The following SLC30A8 variants were observed in gnomAD, a reference collection of about 807,000 sequenced individuals.
The protein encoded by SLC30A8 is solute carrier family 30 member 8.
In SLC30A8, 27 loss-of-function variants were observed where a neutral mutation model predicts 36.9. The ratio of observed to expected loss-of-function variants is 0.73; its 90% CI spans 0.54 to 1.01. The LOEUF (loss-of-function observed/expected upper bound fraction) is 1.01. Among genes scored for constraint, SLC30A8 ranks in the 50% least tolerant of loss-of-function variants. The pLI, the probability that SLC30A8 is intolerant of heterozygous loss-of-function variation, is 0.00. For missense variants in SLC30A8, 439 were observed against 452.0 expected (o/e 0.97, Z 0.26); for synonymous variants, 164 against 172.4 (o/e 0.95, Z 0.38).
At chr8:117,163,906 A>G (rs1192343847) in intron 6 of SLC30A8, 1 of 163,766 alleles carries the variant, frequency 6.1e-6, no homozygotes. Context: ...TCAGAGTAGA[A>G]TAAAACAAGG....
chr8:116,994,374 T>G (rs1357107198), intron 1 of SLC30A8, among the ~76,000 whole-genome samples: 3 of 152,116 alleles, frequency 2.0e-5, no homozygotes, highest in Non-Finnish European at 4.4e-5. Flanking sequence ...GTATCATTAC[T>G]CATGATAGGA....
chr8:117,060,218 A>C (rs944475634), intron 2 of SLC30A8, among the ~76,000 whole-genome samples: 2 of 152,254 alleles, frequency 1.3e-5, no homozygotes, highest in Admixed American at 6.5e-5. Flanking sequence ...TAGTGGTAGA[A>C]TATGGAAGAG....
intron 6 of SLC30A8, among the ~76,000 whole-genome samples, chr8:117,167,547 T>A (rs1378492632): frequency 1.3e-5 from 2 of 151,538 alleles, no homozygotes; most frequent in Non-Finnish European, 2.9e-5. Context: ...TACCTTTTTT[T>A]ATAAAAATGG....
At chr8:116,995,762 C>G (rs904427729) in intron 1 of SLC30A8, among the ~76,000 whole-genome samples, 1 of 152,020 alleles carries the variant, frequency 6.6e-6, no homozygotes, top group Non-Finnish European at 1.5e-5. Context: ...CTGGTGGGAG[C>G]AGGGGAAAAG....
chr8:116,973,854 G>T (rs556439772), intron 1 of SLC30A8, among the ~76,000 whole-genome samples: 1 of 152,100 alleles, frequency 6.6e-6, no homozygotes, highest in African/African-American at 2.4e-5. Flanking sequence ...TAGACCAATG[G>T]AACAGAAAAG....
intron 3 of SLC30A8, among the ~76,000 whole-genome samples, chr8:117,154,557 A>G (rs997714129): frequency 6.6e-6 from 1 of 152,244 alleles, no homozygotes; most frequent in Non-Finnish European, 1.5e-5. Flanking sequence ...ACACTTGATC[A>G]TCGCAGGTGT....
chr8:117,125,983 C>T lies in SLC30A8; in HGVS notation c.-225-9297C>T, dbSNP rs112610037. Among the ~76,000 whole-genome samples the T allele has an allele frequency of 3.1e-3, 474 of 151,964 alleles. 1 individual carries two copies. Among genetic ancestry groups the T allele is most frequent in the African/African-American group, 0.011 (455 of 41,496 alleles). ...AATGTCAGAGTTTTTTGTTTTCTCC[C>T]AGAATGCATCAGCTTCAACGATCTT... On this transcript the variant is annotated intron_variant, in intron 2 of 10. Transcript: ENST00000427715.
At chr8:116,967,607 G>T (rs1477681819) in intron 1 of SLC30A8, among the ~76,000 whole-genome samples, 1 of 152,130 alleles carries the variant, frequency 6.6e-6, no homozygotes, top group Non-Finnish European at 1.5e-5. Flanking sequence ...GGTAATAAAT[G>T]GGTACCTGAA....
chr8:117,010,624 G>A lies in SLC30A8; in HGVS notation c.-265-28595G>A, dbSNP rs367805561. ...ATTGGTGACTGACGTCACTGTATTA[G>A]TTTGTTCTCGCACTGCTATAATGAA... On this transcript the variant is annotated intron_variant, in intron 1 of 10. Coordinates refer to the SLC30A8 transcript ENST00000427715. Among the ~76,000 whole-genome samples the A allele has an allele frequency of 6.8e-4, 103 of 152,338 alleles. No individual in the cohort carries two copies. In the South Asian group the frequency reaches 7.3e-3, roughly 11 times the overall value.
chr8:117,073,224 G>C (rs111613593), intron 2 of SLC30A8, among the ~76,000 whole-genome samples: 327 of 148,804 alleles, frequency 2.2e-3, no homozygotes, highest in African/African-American at 7.9e-3. Context: ...CATTGCTTAT[G>C]TTTCCTTCTC....
chr8:117,139,640 C>T (rs1285757314), intron 1 of SLC30A8, among the ~76,000 whole-genome samples: 1 of 151,846 alleles, frequency 6.6e-6, no homozygotes, highest in Non-Finnish European at 1.5e-5. Flanking sequence ...ATTCAGCAAA[C>T]AATTAAGAAG....
chr8:117,145,778 G>A (rs1257754329), intron 1 of SLC30A8, among the ~76,000 whole-genome samples: 9 of 152,076 alleles, frequency 5.9e-5, no homozygotes, highest in Non-Finnish European at 1.3e-4. Flanking sequence ...CTGGATATTT[G>A]ACCTCAGGCA....
chr8:116,954,278 T>G (rs1194758792), intron 1 of SLC30A8, among the ~76,000 whole-genome samples: 2 of 152,118 alleles, frequency 1.3e-5, no homozygotes, highest in Non-Finnish European at 2.9e-5. Flanking sequence ...GAGTTTGAGG[T>G]GTCTTTGATA....
At chr8:117,045,246 T>A (rs1014300742) in intron 2 of SLC30A8, among the ~76,000 whole-genome samples, 16 of 152,128 alleles carry the variant, frequency 1.1e-4, no homozygotes, top group African/African-American at 3.9e-4. Context: ...CCTTTTACAA[T>A]CTGGATGGAG....
At chr8:116,998,178 A>G (rs1216164810) in intron 1 of SLC30A8, among the ~76,000 whole-genome samples, 3 of 152,228 alleles carry the variant, frequency 2.0e-5, no homozygotes, top group Non-Finnish European at 4.4e-5. Flanking sequence ...GAGATAAAAT[A>G]TGAAAAAAGA....
At chr8:116,955,325 C>G (rs1419520427) in intron 1 of SLC30A8, among the ~76,000 whole-genome samples, 1 of 152,064 alleles carries the variant, frequency 6.6e-6, no homozygotes, top group African/African-American at 2.4e-5. Flanking sequence ...GAAACAGTGA[C>G]ACGGATGCAA....
At chr8:116,992,661 C>A (rs1488907854) in intron 1 of SLC30A8, among the ~76,000 whole-genome samples, 1 of 151,692 alleles carries the variant, frequency 6.6e-6, no homozygotes, top group African/African-American at 2.4e-5. Context: ...CCAAGGGCTA[C>A]CTGTATTGAG....
chr8:117,129,071 G>A (rs192098557), intron 2 of SLC30A8, among the ~76,000 whole-genome samples: 51 of 152,136 alleles, frequency 3.4e-4, no homozygotes, highest in Non-Finnish European at 1.0e-4. Context: ...TATCCTCAGA[G>A]CAGAATTTAA....
At chr8:117,144,049 T>A (rs1255023509) in intron 1 of SLC30A8, among the ~76,000 whole-genome samples, 2 of 152,114 alleles carry the variant, frequency 1.3e-5, no homozygotes, top group Non-Finnish European at 2.9e-5. Context: ...GACCACAGCA[T>A]ACCAGGCAGT....
Sources: gnomAD v4.1 joint callset for allele counts (sites outside exome capture counted in the v4.1 genomes callset) on GRCh38, gnomAD v4.1.1 for gene constraint, MANE v1.5 for transcripts, NCBI Gene and HGNC (gene_info 2026-07-23, HGNC 2026-07-21) for gene names.